PAICS: variants seen among roughly 807,000 people sequenced by gnomAD.
PAICS encodes bifunctional phosphoribosylaminoimidazole carboxylase/phosphoribosylaminoimidazole succinocarboxamide synthetase.
In PAICS, 33 loss-of-function variants were observed where a neutral mutation model predicts 53.7. The observed-to-expected ratio is 0.61, with a 90% CI of 0.47 to 0.82. The LOEUF (loss-of-function observed/expected upper bound fraction) is 0.82, where lower values mean the gene tolerates loss of function less well. PAICS is among the 40% of genes least tolerant of loss of function. PAICS has a pLI of 0.00. For synonymous variants in PAICS, 141 were observed against 167.2 expected (o/e 0.84, Z 1.21); for missense variants, 394 against 494.1 (o/e 0.80, Z 1.92).
At chr4:56,426,584 G>A in the PAICS span, among the ~76,000 whole-genome samples, 5 of 152,128 alleles carry the variant, frequency 3.3e-5, no homozygotes, top group Admixed American at 2.6e-4. Flanking sequence ...GTTCATCCAC[G>A]TTGTAGCATA....
chr4:56,427,007 T>C, the PAICS span, among the ~76,000 whole-genome samples: 1 of 152,226 alleles, frequency 6.6e-6, no homozygotes, highest in Non-Finnish European at 1.5e-5. Flanking sequence ...TATTCGTCCA[T>C]TTGTGCCTGG....
chr4:56,432,495 C>T (rs113116812), upstream of PAICS, among the ~76,000 whole-genome samples: 68 of 142,952 alleles, frequency 4.8e-4, no homozygotes, highest in African/African-American at 1.8e-3. Flanking sequence ...CACTCCACTC[C>T]AGCCTAGGTG....
chr4:56,432,667 C>T (rs1717656869), upstream of PAICS, among the ~76,000 whole-genome samples: 1 of 151,462 alleles, frequency 6.6e-6, no homozygotes, highest in African/African-American at 2.4e-5. Flanking sequence ...CGCCTGTAGT[C>T]CCAGCTACTC....
chr4:56,436,248 C>T, upstream of PAICS: 1 of 1,561,370 alleles, frequency 6.4e-7, no homozygotes, highest in African/African-American at 1.4e-5. Context: ...TCTCTGACCA[C>T]CCCTCTTTTC....
chr4:56,441,086 A>G (rs963528519), intron 1 of PAICS, among the ~76,000 whole-genome samples: 6 of 152,226 alleles, frequency 3.9e-5, no homozygotes, highest in Non-Finnish European at 7.3e-5. Context: ...CAAATGTGCT[A>G]ACTTCAATGG....
the PAICS span, among the ~76,000 whole-genome samples, chr4:56,415,567 A>G: frequency 6.6e-6 from 1 of 152,256 alleles, no homozygotes; most frequent in Non-Finnish European, 1.5e-5. Context: ...CCATTTAAAC[A>G]TAATTTAACT....
In PAICS at chr4:56,463,494, G is replaced by A. The variant is rs562748362; in HGVS notation, c.*3956G>A. On this transcript the variant is annotated 3_prime_UTR_variant, in exon 9 of 9. Coordinates refer to ENST00000512576, the MANE Select transcript of PAICS (RefSeq NM_001079524.2). Reference sequence around the variant, plus strand: ...AGATCACCTGAGGTCGGGAGTTCAAGACCAGCCTGACTGACATGGAGAAAC... The same window carrying A: ...AGATCACCTGAGGTCGGGAGTTCAAAACCAGCCTGACTGACATGGAGAAAC... 6.6e-6 allele frequency: 1 copy of A among 151,976 alleles called. No homozygotes were observed. The highest frequency in any genetic ancestry group is 2.4e-5 in the African/African-American group (1 of 41,388). The allele number at this position is 151,976 out of a possible 1,614,324, so 9.4% of individuals were successfully genotyped here.
At chr4:56,430,078 T>C in the PAICS span, among the ~76,000 whole-genome samples, 1 of 152,132 alleles carries the variant, frequency 6.6e-6, no homozygotes, top group Non-Finnish European at 1.5e-5. Flanking sequence ...CTGGGCAACA[T>C]AGTGAAACCC....
chr4:56,441,380 C>G (rs1718329241), intron 1 of PAICS, among the ~76,000 whole-genome samples: 1 of 151,992 alleles, frequency 6.6e-6, no homozygotes, highest in South Asian at 2.1e-4. Context: ...AGGATTTTAT[C>G]TACCTCTTAT....
At chr4:56,426,433 T>C in the PAICS span, among the ~76,000 whole-genome samples, 2 of 151,678 alleles carry the variant, frequency 1.3e-5, no homozygotes, top group African/African-American at 4.8e-5. Flanking sequence ...CCCATATCCA[T>C]CAGTAGTTTA....
intron 5 of PAICS, among the ~76,000 whole-genome samples, chr4:56,449,539 A>G (rs2110090783): frequency 6.6e-6 from 1 of 152,318 alleles, no homozygotes; most frequent in Non-Finnish European, 1.5e-5. Context: ...AGGAATATAA[A>G]TCATTCTACT....
At chr4:56,416,480 T>G in the PAICS span, 20,411 of 241,522 alleles carry the variant, frequency 0.085, 1,065 homozygotes, top group East Asian at 0.25. Context: ...TGATCTAATT[T>G]CAAACGGAAA....
chr4:56,451,524 T>C (rs1242775202), intron 6 of PAICS, among the ~76,000 whole-genome samples: 1 of 152,160 alleles, frequency 6.6e-6, no homozygotes, highest in Non-Finnish European at 1.5e-5. Flanking sequence ...CTGATTTGGC[T>C]AATCATACCT....
At chr4:56,436,057 C>T, upstream of PAICS, 1 of 1,502,294 alleles carries the variant, frequency 6.7e-7, no homozygotes, top group Non-Finnish European at 8.9e-7. Context: ...CAGCGCGGGG[C>T]GGCCCGGAGG....
At chr4:56,454,308 TG>T (rs1257751945) in intron 8 of PAICS, among the ~76,000 whole-genome samples, 2 of 152,188 alleles carry the variant, frequency 1.3e-5, no homozygotes, top group Admixed American at 1.3e-4. Flanking sequence ...GGAGTTAGAA[TG>T]AATTGTGGTG....
chr4:56,453,698 T>C lies in PAICS; in HGVS notation c.1048T>C (p.Cys350Arg). The part of the protein sequence containing the change: ...SGNTAYPVIS[C>R]PPLTPDWGVQ... ...GAACACTGCATATCCAGTTATCAGCTGTCCTCCCCTCACACCAGACTGGGG... is the reference window on the plus strand; with the variant it reads ...GAACACTGCATATCCAGTTATCAGCCGTCCTCCCCTCACACCAGACTGGGG... Residue 350 changes from cysteine to arginine, a missense_variant, in exon 8 of 9, where the codon TGT becomes CGT. Around this residue, in one of 3 missense-constraint regions of PAICS, gnomAD observed 95 missense variants for 89.3 expected, o/e 1.06. Transcript: ENST00000512576. 2 of 1,557,934 alleles carry C rather than the reference T, an allele frequency of 1.3e-6. No homozygotes were observed. The highest frequency in any genetic ancestry group is 1.7e-6 in the Non-Finnish European group (2 of 1,149,508).
At chr4:56,429,029 T>G in the PAICS span, 1 of 838,640 alleles carries the variant, frequency 1.2e-6, no homozygotes, top group Non-Finnish European at 1.4e-6. Flanking sequence ...AAATAACAAG[T>G]TCTTCCACAC....
At chr4:56,431,299 T>C (rs1394277959), upstream of PAICS, 4 of 237,122 alleles carry the variant, frequency 1.7e-5, no homozygotes, top group Non-Finnish European at 2.7e-5. Context: ...AATCAAATCC[T>C]GTGTTCTCCA....
the PAICS span, among the ~76,000 whole-genome samples, chr4:56,412,284 A>G: frequency 5.3e-5 from 8 of 151,466 alleles, no homozygotes; most frequent in Non-Finnish European, 1.2e-4. Flanking sequence ...CAATTCCAAA[A>G]TCAAACTCTC....
Sources: gnomAD v4.1 joint callset for allele counts (sites outside exome capture counted in the v4.1 genomes callset) on GRCh38, gnomAD v4.1.1 for gene constraint, gnomAD v4.1.1 regional missense constraint, MANE v1.5 for transcripts, NCBI Gene and HGNC (gene_info 2026-07-23, HGNC 2026-07-21) for gene names.